Variants in CHST8 observed in about 807,000 individuals in gnomAD.
The protein encoded by CHST8 is carbohydrate sulfotransferase 8.
Under a neutral mutation model 15.0 loss-of-function variants are expected in CHST8, and 10 were observed. The observed-to-expected ratio is 0.67, with a 90% CI of 0.41 to 1.13. The LOEUF (loss-of-function observed/expected upper bound fraction) is 1.13. Ranked by LOEUF, CHST8 falls within the 50% of genes most tolerant of loss-of-function variation. CHST8 has a pLI of 0.00. For synonymous variants in CHST8, 259 were observed against 256.6 expected (o/e 1.01, Z -0.09); for missense variants, 634 against 608.2 (o/e 1.04, Z -0.45).
intron 3 of CHST8, among the ~76,000 whole-genome samples, chr19:33,736,748 A>G (rs1470961341): frequency 6.6e-6 from 1 of 152,118 alleles, no homozygotes; most frequent in Non-Finnish European, 1.5e-5. Context: ...CCTACCCCAT[A>G]CTGCAGACGT....
intron 3 of CHST8, among the ~76,000 whole-genome samples, chr19:33,742,482 A>C (rs1034494776): frequency 6.6e-6 from 1 of 152,182 alleles, no homozygotes; most frequent in East Asian, 1.9e-4. Context: ...ACCAGTTTTC[A>C]TGTGAGTTGA....
At chr19:33,713,117 T>C (rs77207492) in intron 3 of CHST8, among the ~76,000 whole-genome samples, 6,670 of 152,186 alleles carry the variant, frequency 0.044, 172 homozygotes, top group East Asian at 0.1. Context: ...TCCTCTGACA[T>C]AAGCCCCTCC....
intron 1 of CHST8, among the ~76,000 whole-genome samples, chr19:33,629,572 C>T (rs183062962): frequency 6.6e-6 from 1 of 152,366 alleles, no homozygotes; most frequent in East Asian, 1.9e-4. Context: ...AGGCTCTGTC[C>T]TCCAGAGCTG....
chr19:33,756,635 C>G (rs1333107203), intron 3 of CHST8, among the ~76,000 whole-genome samples: 1 of 152,212 alleles, frequency 6.6e-6, no homozygotes, highest in Admixed American at 6.5e-5. Context: ...AGCCCTCTGG[C>G]TTTGTTGTTC....
chr19:33,694,433 CT>C (rs1275934846), intron 3 of CHST8, among the ~76,000 whole-genome samples: 3 of 151,614 alleles, frequency 2.0e-5, no homozygotes, highest in African/African-American at 7.3e-5. Flanking sequence ...TCAGGGACCC[CT>C]GGCACAGACA....
chr19:33,770,710 TCATCAGTAAGTTAACG>T (rs1974961947), intron 3 of CHST8, among the ~76,000 whole-genome samples: 1 of 152,082 alleles, frequency 6.6e-6, no homozygotes, highest in Non-Finnish European at 1.5e-5. Flanking sequence ...CTTCCTGAGG[TCATCAGTAAGTTAACG>T]CTGGACAATT....
chr19:33,752,216 C>T (rs750136695), intron 3 of CHST8, among the ~76,000 whole-genome samples: 11 of 152,202 alleles, frequency 7.2e-5, no homozygotes, highest in Non-Finnish European at 1.0e-4. Context: ...ACCTGCCCGC[C>T]GCCTAGGGGG....
intron 2 of CHST8, among the ~76,000 whole-genome samples, chr19:33,685,741 G>C (rs1036395704): frequency 1.3e-4 from 20 of 152,204 alleles, no homozygotes; most frequent in African/African-American, 4.8e-4. Flanking sequence ...GCAGCAGCTG[G>C]ACTCCCAGGA....
chr19:33,671,491 C>T (rs1447243909), intron 2 of CHST8, among the ~76,000 whole-genome samples: 7 of 152,150 alleles, frequency 4.6e-5, no homozygotes, highest in Admixed American at 4.6e-4. Context: ...AAGCCAAAAT[C>T]ACTGGAGTGG....
intron 1 of CHST8, among the ~76,000 whole-genome samples, chr19:33,642,505 G>A (rs1352288026): frequency 6.6e-6 from 1 of 152,140 alleles, no homozygotes. Flanking sequence ...TGGGATTACA[G>A]ACACGCACCA....
At chr19:33,647,315 A>G (rs1014778230) in intron 1 of CHST8, among the ~76,000 whole-genome samples, 3 of 152,216 alleles carry the variant, frequency 2.0e-5, no homozygotes, top group Non-Finnish European at 4.4e-5. Context: ...CCTGGGAGCC[A>G]AGTGAGGAAA....
At chr19:33,646,417 G>A (rs956076504) in intron 1 of CHST8, among the ~76,000 whole-genome samples, 1 of 152,184 alleles carries the variant, frequency 6.6e-6, no homozygotes, top group African/African-American at 2.4e-5. Flanking sequence ...GCACCAGCTG[G>A]TCCATGGGAA....
chr19:33,677,295 C>T (rs533475561), intron 2 of CHST8, among the ~76,000 whole-genome samples: 2 of 152,174 alleles, frequency 1.3e-5, no homozygotes, highest in Non-Finnish European at 2.9e-5. Context: ...CAGAGCCCCA[C>T]GTACAGGGAT....
intron 2 of CHST8, among the ~76,000 whole-genome samples, chr19:33,669,933 A>C (rs1568321333): frequency 6.6e-6 from 1 of 152,230 alleles, no homozygotes; most frequent in Non-Finnish European, 1.5e-5. Flanking sequence ...ACTGGAGTCA[A>C]ATTTCTTCTA....
chr19:33,662,046 A>C (rs1212838546), intron 1 of CHST8, among the ~76,000 whole-genome samples: 2 of 151,968 alleles, frequency 1.3e-5, no homozygotes, highest in Non-Finnish European at 2.9e-5. Context: ...AAAAATGAAT[A>C]AATAAAAGGA....
At chr19:33,657,172 TATACACACATACAC>T (rs1207552425) in intron 1 of CHST8, among the ~76,000 whole-genome samples, 2 of 143,000 alleles carry the variant, frequency 1.4e-5, no homozygotes, top group African/African-American at 2.5e-5. Context: ...CACATATACT[TATACACACATACAC>T]ATACACACAT....
At chr19:33,750,852 C>G (rs1159633490) in intron 3 of CHST8, among the ~76,000 whole-genome samples, 1 of 151,928 alleles carries the variant, frequency 6.6e-6, no homozygotes. Context: ...TCTCCAGGCT[C>G]GGTCCAGGCT....
chr19:33,689,082 C>G, intron 2 of CHST8, 94 bp from the exon 3 acceptor site: 1 of 591,482 alleles, frequency 1.7e-6, no homozygotes. Flanking sequence ...CAGAGTCATC[C>G]GGGGATTGCA....
At chr19:33,759,834 T>G (rs915406198) in intron 3 of CHST8, among the ~76,000 whole-genome samples, 5 of 152,164 alleles carry the variant, frequency 3.3e-5, no homozygotes, top group African/African-American at 1.2e-4. Context: ...CAGGCCAACT[T>G]GTCCTGGCCC....
Sources: gnomAD v4.1 joint callset for allele counts (sites outside exome capture counted in the v4.1 genomes callset) on GRCh38, gnomAD v4.1.1 for gene constraint, MANE v1.5 for transcripts, NCBI Gene and HGNC (gene_info 2026-07-23, HGNC 2026-07-21) for gene names.